The following QRICH2 variants were observed in gnomAD, a reference collection of about 807,000 sequenced individuals.
QRICH2 encodes glutamine rich 2.
QRICH2 carries 119 observed loss-of-function variants against 168.3 expected under a neutral mutation model. That is an observed-to-expected ratio of 0.71 (90% CI 0.61 to 0.82). The LOEUF is 0.82. QRICH2 is among the 40% of genes least tolerant of loss of function. The probability of loss-of-function intolerance (pLI) is 0.00; values close to 1 mark genes in which losing one functional copy is unlikely to be tolerated. For missense variants in QRICH2, 2,241 were observed against 2,491.6 expected (o/e 0.90, Z 2.14); for synonymous variants, 894 against 951.2 (o/e 0.94, Z 1.11).
Position 76,307,474 on chromosome 17 carries a change from G to C in QRICH2, c.525C>G (p.Ser175Arg). 6.2e-7 allele frequency: 1 copy of C among 1,613,804 alleles called. No homozygotes were observed. Among genetic ancestry groups the C allele is most frequent in the Non-Finnish European group, 8.5e-7 (1 of 1,179,840 alleles). ...CCGTGTGCGTGCTCACCCTGGCAAAGCTGAGCTCCTCGGCGGCGTCCTTCA... is the reference window on the plus strand; with the variant it reads ...CCGTGTGCGTGCTCACCCTGGCAAACCTGAGCTCCTCGGCGGCGTCCTTCA... Reference protein sequence around the residue: ...SIMKDAAEELSFARVLLQRVD... With the variant: ...SIMKDAAEELRFARVLLQRVD... Residue 175 changes from serine (S) to arginine (R), a missense_variant, in exon 1 of 19, where the codon AGC becomes AGG. Transcript: ENST00000680821. The surrounding 1 kb of genome is among the most constrained non-coding windows in gnomAD (Gnocchi z 5.3).
chr17:76,292,834 GGCC>G lies in QRICH2; in HGVS notation c.1890_1892del (p.Leu630_Ala631delinsPhe). ...AACCATGCTGATCTCTACCAGGTTGGGCCAAACCAGACTGATCCATTCCAGGCC... is the reference window on the plus strand; with the variant it reads ...AACCATGCTGATCTCTACCAGGTTGGAAACCAGACTGATCCATTCCAGGCC... On this transcript the variant is annotated inframe_deletion, in exon 4 of 19. Transcript: ENST00000680821. The G allele has an allele frequency of 1.9e-6, 3 of 1,600,988 alleles. No individual in the cohort carries two copies. The highest frequency in any genetic ancestry group is 3.1e-5 in the African/African-American group (2 of 65,460).
Position 76,304,577 on chromosome 17 carries a change from A to G in QRICH2, c.595-52T>C, listed in dbSNP as rs553637865. On this transcript the variant is annotated intron_variant, in intron 2 of 18. Coordinates refer to ENST00000680821, the MANE Select transcript of QRICH2 (RefSeq NM_001388453.1). The stretch of plus-strand genomic sequence containing the variant: ...ATACACCCCTTGATTAATCCCAAGC[A>G]GCTTTAGGAACAGACTTGGTCTAAC... 4 of 1,316,924 alleles carry G rather than the reference A, an allele frequency of 3.0e-6. No homozygotes were observed. The South Asian group carries it at 4.8e-5, about 16-fold the overall frequency. 81.6% of individuals were successfully genotyped at this position (1,316,924 alleles called of 1,614,324 possible).
chr17:76,288,211 C>T (rs2070924930), intron 5 of QRICH2, among the ~76,000 whole-genome samples: 1 of 151,434 alleles, frequency 6.6e-6, no homozygotes, highest in Admixed American at 6.6e-5. Flanking sequence ...AGGGGAAACC[C>T]ATCTCTACTA....
intron 5 of QRICH2, 134 bp from the exon 6 acceptor site, chr17:76,288,031 C>A (rs2070922205): frequency 3.0e-6 from 2 of 672,784 alleles, no homozygotes; most frequent in Admixed American, 2.3e-5. Context: ...AGCCAGGAGC[C>A]CTTGTGGACA....
Position 76,280,576 on chromosome 17 carries a change from C to A in QRICH2, c.4461+78G>T. 1 of 1,598,896 alleles carries A rather than the reference C, an allele frequency of 6.3e-7. No individual in the cohort carries two copies. Among genetic ancestry groups the A allele is most frequent in the Admixed American group, 1.7e-5 (1 of 59,802 alleles). Reference sequence around the variant, plus strand: ...GAGCCCACACTCGTCTCGCCAGCTCCCCTCCACTCAGTCTCTCAAAGAACA... The same window carrying A: ...GAGCCCACACTCGTCTCGCCAGCTCACCTCCACTCAGTCTCTCAAAGAACA... On this transcript the variant is annotated intron_variant, in intron 10 of 18. Transcript: ENST00000680821. This position sits in a 1 kb window ranked among gnomAD's most constrained non-coding sequence, Gnocchi z 7.4.
intron 7 of QRICH2, among the ~76,000 whole-genome samples, chr17:76,285,050 G>A (rs1016863402): frequency 4.6e-5 from 7 of 151,184 alleles, no homozygotes; most frequent in Non-Finnish European, 1.5e-5. Flanking sequence ...CGCCTCCCAG[G>A]TTCAAGTGAT....
Position 76,277,208 on chromosome 17 carries a change from A to C in QRICH2, c.5220T>G (p.Leu1740=), listed in dbSNP as rs2070696664. Residue 1740 remains leucine (L), a synonymous_variant, in exon 16 of 19, where the codon CTT becomes CTG. Coordinates refer to ENST00000680821, the MANE Select transcript of QRICH2 (RefSeq NM_001388453.1). ...CTTCAGTAGGATACAGGCCCCGGGG[A>C]AGGTGCTGCGGGCGGCTGCGGTGGT... ...YPYHRSRPQH[L]PRGLYPTEEI... 1 of 1,603,094 alleles carries C rather than the reference A, an allele frequency of 6.2e-7. No homozygotes were observed.
At chr17:76,298,005 G>C (rs2070830178) in intron 3 of QRICH2, among the ~76,000 whole-genome samples, 1 of 149,960 alleles carries the variant, frequency 6.7e-6, no homozygotes, top group South Asian at 2.1e-4. Flanking sequence ...GAGTAGATGG[G>C]ATCACAGGCA....
At chr17:76,304,563 G>A (rs1424089663) in intron 2 of QRICH2, 38 bp from the exon 3 acceptor site, 1 of 1,425,316 alleles carries the variant, frequency 7.0e-7, no homozygotes, top group South Asian at 1.2e-5. Flanking sequence ...TACACCCCTT[G>A]ATTAATCCCA....
At chr17:76,287,112 A>G (rs1245312109) in intron 7 of QRICH2, 80 bp downstream of exon 7, 3 of 726,374 alleles carry the variant, frequency 4.1e-6, no homozygotes, top group East Asian at 3.2e-5. Flanking sequence ...CTAGTTTTTG[A>G]TGAGAGGTGG....
chr17:76,276,131 C>CACCCCCCCCA (rs111375686), intron 17 of QRICH2, among the ~76,000 whole-genome samples, 184 bp from the exon 18 acceptor site: 4 of 140,290 alleles, frequency 2.9e-5, no homozygotes, highest in South Asian at 2.3e-4. Context: ...TTCTCGTGGC[C>CACCCCCCCCA]ACCCACCCAC....
rs755968467 is a variant in QRICH2, at chr17:76,278,226, C to T, written c.4917-37G>A. 5.0e-6 allele frequency: 8 copies of T among 1,590,140 alleles called. No individual in the cohort carries two copies. The African/African-American group carries it at 1.1e-4, about 21-fold the overall frequency. On this transcript the variant is annotated intron_variant, in intron 14 of 18. Transcript: ENST00000680821. ...GAGCAGAACAGAGGGAGGGTTGGCC[C>T]ATGGCGGGGGCCTTGACCTTGTGTA...
Position 76,307,821 on chromosome 17 carries a change from A to G in QRICH2, c.178T>C (p.Ser60Pro). The G allele has an allele frequency of 7.7e-7, 1 of 1,294,470 alleles. No homozygotes were observed. The highest frequency in any genetic ancestry group is 9.8e-7 in the Non-Finnish European group (1 of 1,023,584). 80.2% of individuals were successfully genotyped at this position (1,294,470 alleles called of 1,614,324 possible). Residue 60 changes from serine (S) to proline (P), a missense_variant, in exon 1 of 19, where the codon TCG (serine) becomes CCG (proline). By Grantham distance (74) the Ser-to-Pro change is moderately conservative. This residue lies in a region of QRICH2 where 2,047 missense variants were observed against 2,303.8 expected (regional missense o/e 0.89). Transcript: ENST00000680821. The surrounding 1 kb of genome is among the most constrained non-coding windows in gnomAD (Gnocchi z 5.3). Reference sequence around the variant, plus strand: ...AACGAGCTCCGGACGGACTGCAGCGAGCGGCTGGGCTCGGGCGACGAGGGC... The same window carrying G: ...AACGAGCTCCGGACGGACTGCAGCGGGCGGCTGGGCTCGGGCGACGAGGGC... ...FQPSSPEPSR[S>P]LQSVRSSFSI... is the part of the protein sequence containing the mutation.
Position 76,281,866 on chromosome 17 carries a change from G to A in QRICH2, c.4261C>T (p.Gln1421Ter), listed in dbSNP as rs571989831. ...GAGGGAGGCGAGCAGAGCCCCACCT[G>A]TCTCTGGAGCTTGGCCTTCTTGGAG... ...RPSKKAKLQR[Q>*]DEELLGRVQS... is the part of the protein sequence containing the mutation. The change falls in exon 8 of 19, where the codon CAG becomes TAG. Residue 1421 changes from glutamine (Q) to a stop codon, truncating the protein, a stop_gained and splice_region_variant. Transcript: ENST00000680821. LOFTEE classifies it high-confidence loss of function. This position sits in a 1 kb window ranked among gnomAD's most constrained non-coding sequence, Gnocchi z 4.4. 11 of 1,612,970 alleles carry A rather than the reference G, an allele frequency of 6.8e-6. No homozygotes were observed. In the African/African-American group the frequency reaches 1.3e-4, roughly 20 times the overall value.
rs1403151631 is a variant in QRICH2 at position 76,307,108 on chromosome 17, G to C, written c.534+357C>G. Among the ~76,000 whole-genome samples the C allele has an allele frequency of 2.0e-5, 3 of 152,080 alleles. No homozygotes were observed. Among genetic ancestry groups the C allele is most frequent in the African/African-American group, 7.2e-5 (3 of 41,408 alleles). On this transcript the variant is annotated intron_variant, in intron 1 of 18. Transcript: ENST00000680821. The surrounding 1 kb of genome is among the most constrained non-coding windows in gnomAD (Gnocchi z 5.3). ...CACTCTGAGCCAGCTCTGGGTCCTT[G>C]GATGTCTGATAAGTGGTGGGCGAAC...
In QRICH2 at chr17:76,290,033, C is replaced by A. The variant is rs369315473; in HGVS notation, c.3757G>T (p.Val1253Leu). 3.1e-6 allele frequency: 5 copies of A among 1,611,460 alleles called. No homozygotes were observed. Among genetic ancestry groups the A allele is most frequent in the Non-Finnish European group, 4.2e-6 (5 of 1,178,484 alleles). ...PPELQEQLKT[V>L]KTLAKEVWQE... is the part of the protein sequence containing the mutation. ...CAAACTTCTTTGGCTAGCGTCTTTA[C>A]GGTCTTCAGCTGCTCCTGCAGTTCA... The change falls in exon 5 of 19, where the codon GTA becomes TTA. Residue 1253 changes from valine (V) to leucine (L), a missense_variant. Around this residue, in one of 3 missense-constraint regions of QRICH2, gnomAD observed 2,047 missense variants for 2,303.8 expected, o/e 0.89. Coordinates refer to ENST00000680821, the MANE Select transcript of QRICH2 (RefSeq NM_001388453.1).
rs770001538 is a variant in QRICH2 at position 76,287,154 on chromosome 17, C to T, written c.4011+38G>A. ...AGGGCCAAGCCAGCTCTGAGAAGGG[C>T]CCTTGGTCCCTGGAGCTAAAGAGTG... On this transcript the variant is annotated intron_variant, in intron 7 of 18. Coordinates refer to ENST00000680821, the MANE Select transcript of QRICH2 (RefSeq NM_001388453.1). 13 of 1,446,794 alleles carry T rather than the reference C, an allele frequency of 9.0e-6. No individual in the cohort carries two copies. In the East Asian group the frequency reaches 2.5e-4, roughly 28 times the overall value. 89.6% of individuals were successfully genotyped at this position (1,446,794 alleles called of 1,614,324 possible).
At chr17:76,304,587 A>ACCCACCC in intron 2 of QRICH2, 62 bp from the exon 3 acceptor site, 1 of 1,229,696 alleles carries the variant, frequency 8.1e-7, no homozygotes, top group Non-Finnish European at 1.2e-6. Flanking sequence ...AGCTTTAGGA[A>ACCCACCC]CAGACTTGGT....
chr17:76,281,868 C>G lies in QRICH2; in HGVS notation c.4259G>C (p.Arg1420Thr). 1 of 1,613,102 alleles carries G rather than the reference C, an allele frequency of 6.2e-7. No homozygotes were observed. The change falls in exon 8 of 19, where the codon AGA becomes ACA. Residue 1420 changes from arginine (R) to threonine (T), a missense_variant. Transcript: ENST00000680821. This position sits in a 1 kb window ranked among gnomAD's most constrained non-coding sequence, Gnocchi z 4.4. ...SRPSKKAKLQ[R>T]QDEELLGRVQ... ...GGGAGGCGAGCAGAGCCCCACCTGT[C>G]TCTGGAGCTTGGCCTTCTTGGAGGG...
Sources: allele counts gnomAD v4.1 joint callset (sites outside exome capture counted in the v4.1 genomes callset), GRCh38; gene constraint gnomAD v4.1.1; regional missense constraint gnomAD v4.1.1; non-coding constraint Gnocchi (gnomAD v3.1); transcripts MANE v1.5; gene names NCBI Gene and HGNC (gene_info 2026-07-23, HGNC 2026-07-21).